PCDHGA2: variants seen among roughly 807,000 people sequenced by gnomAD.
PCDHGA2 encodes the protein protocadherin gamma-A2.
A neutral mutation model predicts 59.2 loss-of-function variants in PCDHGA2; 40 were observed. That is an observed-to-expected ratio of 0.68 (90% CI 0.52 to 0.88). PCDHGA2 has a LOEUF of 0.88. Ranked by LOEUF, PCDHGA2 falls within the 40% of genes least tolerant of loss-of-function variation. PCDHGA2 has a pLI of 0.00. For synonymous variants in PCDHGA2, 560 were observed against 526.0 expected, an observed-to-expected ratio of 1.06 and a Z score of -0.89; for missense variants, 1,226 against 1,204.0, an observed-to-expected ratio of 1.02 and a Z score of -0.27.
intron 1 of PCDHGA2, among the ~76,000 whole-genome samples, chr5:141,381,922 C>A (rs1777762962): frequency 6.9e-6 from 1 of 145,556 alleles, no homozygotes. Context: ...CTCCACCTCC[C>A]GGGTTCAAGC....
rs539372561 is a variant in PCDHGA2, at chr5:141,379,222, GT to G, written c.2424+37832del. On this transcript the variant is annotated intron_variant, in intron 1 of 3. Coordinates refer to ENST00000394576, the MANE Select transcript of PCDHGA2 (RefSeq NM_018915.4). ...AAATAAGCTGCTAAGAGTAATATGT[GT>G]TTTTCTGAACCAATATTGTGGTATT... 26 of 152,080 alleles carry G rather than the reference GT, an allele frequency of 1.7e-4. 1 individual carries two copies. The highest frequency in any genetic ancestry group is 3.1e-4 in the Non-Finnish European group (21 of 67,992). The allele number at this position is 152,080 out of a possible 1,614,324, so 9.4% of individuals were successfully genotyped here. A position where few individuals can be genotyped will look rare whatever the true frequency, so the allele number is the denominator to read the frequency against.
At position 141,390,470 on chromosome 5, in the gene PCDHGA2, G is replaced by A; in HGVS notation, c.2424+49075G>A. On this transcript the variant is annotated intron_variant, in intron 1 of 3. Transcript: ENST00000394576. ...AGGAGTAAAGTAGGAGCAATTGTGTGGCCCAACATTTGTTTGTTTTTTAGC... is the reference window on the plus strand; with the variant it reads ...AGGAGTAAAGTAGGAGCAATTGTGTAGCCCAACATTTGTTTGTTTTTTAGC... 4.3e-6 allele frequency: 3 copies of A among 699,244 alleles called. No individual in the cohort carries two copies. In the South Asian group the frequency reaches 6.0e-5, roughly 14 times the overall value. The allele number at this position is 699,244 out of a possible 1,614,324, so 43.3% of individuals were successfully genotyped here.
chr5:141,432,659 G>A lies in PCDHGA2; in HGVS notation c.2425-62148G>A. On this transcript the variant is annotated intron_variant, in intron 1 of 3. Coordinates refer to ENST00000394576, the MANE Select transcript of PCDHGA2 (RefSeq NM_018915.4). This position sits in a 1 kb window ranked among gnomAD's most constrained non-coding sequence, Gnocchi z 6.0. ...GGTGCGCACGGCGCGAGCCCTGCTG[G>A]ACAGAGACGCGCTCAAGCAGAGCCT... 1 of 1,613,884 alleles carries A rather than the reference G, an allele frequency of 6.2e-7. No homozygotes were observed. The highest frequency in any genetic ancestry group is 8.5e-7 in the Non-Finnish European group (1 of 1,179,956).
At chr5:141,357,525 T>C (rs1015704388) in intron 1 of PCDHGA2, 22 of 1,614,088 alleles carry the variant, frequency 1.4e-5, no homozygotes, top group East Asian at 6.7e-5. Context: ...AACCCAGCTA[T>C]GCAGACACGC....
intron 1 of PCDHGA2, chr5:141,478,768 A>G: frequency 6.7e-7 from 1 of 1,501,046 alleles, no homozygotes; most frequent in African/African-American, 1.4e-5. Context: ...TACTTGACTC[A>G]TCTGTGGACC....
At chr5:141,361,236 C>A in intron 1 of PCDHGA2, 3 of 1,613,946 alleles carry the variant, frequency 1.9e-6, no homozygotes, top group Non-Finnish European at 2.5e-6. Flanking sequence ...CAGTGATCGC[C>A]TTGATAAAAA....
chr5:141,344,598 G>A (rs1757443282), intron 1 of PCDHGA2: 2 of 1,613,986 alleles, frequency 1.2e-6, no homozygotes, highest in Non-Finnish European at 1.7e-6. Context: ...CTCTGAGGGG[G>A]CCAAGTATCC....
rs765050792 is a variant in PCDHGA2, at chr5:141,355,544, A to C, written c.2424+14149A>C. ...GAGATTCTTCTAGAAGATACAGTGA[A>C]GATTTTGCGGGTAGAGGTGGAAATA... On this transcript the variant is annotated intron_variant, in intron 1 of 3. Coordinates refer to ENST00000394576, the MANE Select transcript of PCDHGA2 (RefSeq NM_018915.4). 6 of 1,614,058 alleles carry C rather than the reference A, an allele frequency of 3.7e-6. No individual in the cohort carries two copies. In the Admixed American group the frequency reaches 1.0e-4, roughly 27 times the overall value.
intron 1 of PCDHGA2, chr5:141,350,692 AC>A (rs780794690): frequency 1.4e-4 from 225 of 1,612,578 alleles, no homozygotes; most frequent in Non-Finnish European, 1.8e-4. Context: ...AGTCAGCCTT[AC>A]CCGGGGTAAA....
At chr5:141,448,523 A>G (rs2098593853) in intron 1 of PCDHGA2, among the ~76,000 whole-genome samples, 1 of 152,166 alleles carries the variant, frequency 6.6e-6, no homozygotes, top group African/African-American at 2.4e-5. Context: ...TTTATTAAGC[A>G]TCCTGTCAGC....
At chr5:141,360,543 T>G (rs369225043) in intron 1 of PCDHGA2, 4 of 1,613,952 alleles carry the variant, frequency 2.5e-6, no homozygotes, top group Non-Finnish European at 3.4e-6. Flanking sequence ...TCAAACAGAC[T>G]AAGATTAATT....
Position 141,485,979 on chromosome 5 carries a change from C to T in PCDHGA2, c.2425-8828C>T. ...CTCATCCAGCTCAATGCCTCAGACC[C>T]GGACCTGGGTCCCAGTGGTAACGTC... is the stretch of plus-strand genomic sequence containing the variant. On this transcript the variant is annotated intron_variant, in intron 1 of 3. Coordinates refer to ENST00000394576, the MANE Select transcript of PCDHGA2 (RefSeq NM_018915.4). The surrounding 1 kb of genome is among the most constrained non-coding windows in gnomAD (Gnocchi z 5.7). The T allele has an allele frequency of 1.2e-6, 2 of 1,614,182 alleles. No individual in the cohort carries two copies. The highest frequency in any genetic ancestry group is 1.7e-6 in the Non-Finnish European group (2 of 1,180,022).
intron 1 of PCDHGA2, chr5:141,371,215 A>G: frequency 1.9e-6 from 3 of 1,614,052 alleles, no homozygotes; most frequent in East Asian, 2.2e-5. Flanking sequence ...GAGGGCATCA[A>G]TGCCGAAATC....
At chr5:141,403,836 A>G (rs370798833) in intron 1 of PCDHGA2, 8 of 1,613,670 alleles carry the variant, frequency 5.0e-6, no homozygotes, top group African/African-American at 1.3e-5. Context: ...TTCCAGCTTA[A>G]TGAAAATACT....
At chr5:141,414,097 T>C (rs1442366960) in intron 1 of PCDHGA2, 1 of 1,594,352 alleles carries the variant, frequency 6.3e-7, no homozygotes, top group South Asian at 1.1e-5. Context: ...AATAAAAATA[T>C]CAGAAAATCT....
intron 1 of PCDHGA2, chr5:141,384,825 CG>C (rs1780562640): frequency 1.2e-6 from 2 of 1,613,472 alleles, no homozygotes; most frequent in Non-Finnish European, 1.7e-6. Context: ...AGCAGAGCCT[CG>C]TGGTGGCCGT....
At chr5:141,494,183 G>A (rs971032835) in intron 1 of PCDHGA2, among the ~76,000 whole-genome samples, 2 of 152,146 alleles carry the variant, frequency 1.3e-5, no homozygotes, top group Non-Finnish European at 2.9e-5. Context: ...GAAGTGTCCC[G>A]GGACTTGGAT....
Position 141,339,471 on chromosome 5 carries a change from T to C in PCDHGA2, c.500T>C (p.Leu167Pro), listed in dbSNP as rs1212051734. Residue 167 changes from leucine to proline, a missense_variant, in exon 1 of 4, where the codon CTT (leucine) becomes CCT (proline). By Grantham distance (98) the Leu-to-Pro change is moderately conservative. Transcript: ENST00000394576. Reference sequence around the variant, plus strand: ...GATGCAGACGTAGGTGAGAACGCCCTTCAGAAGTACGCACTCAACCCAAAT... The same window carrying C: ...GATGCAGACGTAGGTGAGAACGCCCCTCAGAAGTACGCACTCAACCCAAAT... The part of the protein sequence containing the change: ...AHDADVGENA[L>P]QKYALNPNDH... The C allele has an allele frequency of 3.1e-6, 5 of 1,614,038 alleles. No homozygotes were observed. The Admixed American group carries it at 5.0e-5, about 16-fold the overall frequency.
In PCDHGA2 at chr5:141,489,152, A is replaced by C; in HGVS notation, c.2425-5655A>C. The C allele has an allele frequency of 2.1e-6, 2 of 960,350 alleles. No individual in the cohort carries two copies. Among genetic ancestry groups the C allele is most frequent in the Non-Finnish European group, 3.1e-6 (2 of 640,552 alleles). 59.5% of individuals were successfully genotyped at this position (960,350 alleles called of 1,614,324 possible). A position where few individuals can be genotyped will look rare whatever the true frequency, so the allele number is the denominator to read the frequency against. On this transcript the variant is annotated intron_variant, in intron 1 of 3. Transcript: ENST00000394576. This position sits in a 1 kb window ranked among gnomAD's most constrained non-coding sequence, Gnocchi z 4.5. The stretch of plus-strand genomic sequence containing the variant: ...TTTTAAGAGGCTGGAAGGAGACATA[A>C]GAGACTTCAGCTGCTGCATTCCAAG...
Sources: allele counts gnomAD v4.1 joint callset (sites outside exome capture counted in the v4.1 genomes callset), GRCh38; gene constraint gnomAD v4.1.1; non-coding constraint Gnocchi (gnomAD v3.1); transcripts MANE v1.5; gene names NCBI Gene and HGNC (gene_info 2026-07-23, HGNC 2026-07-21).